JAZF1: variants seen among roughly 807,000 people sequenced by gnomAD.
JAZF1 encodes juxtaposed with another zinc finger protein 1.
JAZF1 carries 8 observed loss-of-function variants against 26.4 expected under a neutral mutation model. The observed-to-expected ratio is 0.30, with a 90% CI of 0.18 to 0.55. The LOEUF (loss-of-function observed/expected upper bound fraction) is 0.55. Among genes scored for constraint, JAZF1 ranks in the 20% least tolerant of loss-of-function variants. The pLI, the probability that JAZF1 is intolerant of heterozygous loss-of-function variation, is 0.94. For synonymous variants in JAZF1, 126 were observed against 122.3 expected (o/e 1.03, Z -0.20); for missense variants, 199 against 322.0 (o/e 0.62, Z 2.92).
chr7:28,160,410 T>C (rs1344299722), intron 1 of JAZF1, among the ~76,000 whole-genome samples: 1 of 152,094 alleles, frequency 6.6e-6, no homozygotes, highest in Admixed American at 6.5e-5. Flanking sequence ...ATCTAGAATG[T>C]AGGCTCCATG....
intron 1 of JAZF1, among the ~76,000 whole-genome samples, chr7:27,994,595 C>G (rs1401058965): frequency 6.6e-6 from 1 of 152,218 alleles, no homozygotes; most frequent in African/African-American, 2.4e-5. Flanking sequence ...CCCCAAATCT[C>G]CTTTTCAAAC....
chr7:27,935,686 T>C (rs1390622519), intron 2 of JAZF1, among the ~76,000 whole-genome samples: 1 of 152,188 alleles, frequency 6.6e-6, no homozygotes, highest in African/African-American at 2.4e-5. Flanking sequence ...GTGAAATGTA[T>C]GGTATGTGAA....
At chr7:27,838,257 G>A (rs1382784491) in intron 4 of JAZF1, among the ~76,000 whole-genome samples, 7 of 152,084 alleles carry the variant, frequency 4.6e-5, no homozygotes, top group Non-Finnish European at 7.4e-5. Flanking sequence ...TAGAACTTAT[G>A]ATGACTGAGG....
At chr7:27,967,604 C>T (rs751612682) in intron 2 of JAZF1, among the ~76,000 whole-genome samples, 6 of 152,144 alleles carry the variant, frequency 3.9e-5, no homozygotes, top group Non-Finnish European at 7.3e-5. Context: ...AGAAGTTCCT[C>T]TAATGCAATT....
At chr7:27,979,797 T>C (rs977342536) in intron 2 of JAZF1, among the ~76,000 whole-genome samples, 8 of 152,116 alleles carry the variant, frequency 5.3e-5, no homozygotes, top group African/African-American at 1.9e-4. Flanking sequence ...GCTATGCCCT[T>C]TCTTTCCTAT....
At chr7:28,133,163 T>C (rs1005918079) in intron 1 of JAZF1, among the ~76,000 whole-genome samples, 11 of 152,212 alleles carry the variant, frequency 7.2e-5, no homozygotes, top group Non-Finnish European at 4.4e-5. Flanking sequence ...AAACACCCTC[T>C]GTAAAATGCA....
intron 3 of JAZF1, among the ~76,000 whole-genome samples, chr7:27,852,615 C>T (rs1282768499): frequency 6.6e-6 from 1 of 152,166 alleles, no homozygotes; most frequent in African/African-American, 2.4e-5. Context: ...CCTACTCTTG[C>T]CCCAGGCCCT....
intron 1 of JAZF1, among the ~76,000 whole-genome samples, chr7:28,153,607 A>G (rs1021155111): frequency 1.3e-5 from 2 of 152,216 alleles, no homozygotes; most frequent in African/African-American, 4.8e-5. Context: ...CATACTGAAC[A>G]AACCTATTCC....
intron 3 of JAZF1, among the ~76,000 whole-genome samples, chr7:27,871,695 T>C (rs1352150934): frequency 1.3e-5 from 2 of 152,242 alleles, no homozygotes; most frequent in East Asian, 3.8e-4. Context: ...TCTATGTCTA[T>C]ATTTTTCTAA....
Position 27,840,925 on chromosome 7 carries a change from C to T in JAZF1, c.386-58G>A, listed in dbSNP as rs112574404. The T allele has an allele frequency of 6.4e-7, 1 of 1,574,084 alleles. No individual in the cohort carries two copies. Among genetic ancestry groups the T allele is most frequent in the Non-Finnish European group, 8.7e-7 (1 of 1,152,942 alleles). On this transcript the variant is annotated intron_variant, in intron 3 of 4. Coordinates refer to ENST00000283928, the MANE Select transcript of JAZF1 (RefSeq NM_175061.4). The surrounding 1 kb of genome is among the most constrained non-coding windows in gnomAD (Gnocchi z 5.1). Reference sequence around the variant, plus strand: ...GAGCGCTCATCTCCCCACAGGTTCACCCGGCCACTTCCAGGACAGGAGATG... The same window carrying T: ...GAGCGCTCATCTCCCCACAGGTTCATCCGGCCACTTCCAGGACAGGAGATG...
chr7:28,070,212 T>C (rs1415828584), intron 1 of JAZF1, among the ~76,000 whole-genome samples: 2 of 152,270 alleles, frequency 1.3e-5, no homozygotes, highest in East Asian at 3.9e-4. Flanking sequence ...CCCATTGTGT[T>C]TAGAGAAATT....
At chr7:28,147,579 G>A (rs1435221265) in intron 1 of JAZF1, among the ~76,000 whole-genome samples, 2 of 151,510 alleles carry the variant, frequency 1.3e-5, no homozygotes, top group Non-Finnish European at 2.9e-5. Flanking sequence ...TGGGTATAGT[G>A]GGCCATGCCT....
At chr7:28,112,409 A>G (rs1784675285) in intron 1 of JAZF1, among the ~76,000 whole-genome samples, 1 of 152,260 alleles carries the variant, frequency 6.6e-6, no homozygotes, top group African/African-American at 2.4e-5. Flanking sequence ...CAATATTACA[A>G]AGCAGACAAA....
Position 27,840,689 on chromosome 7 carries a change from C to A in JAZF1, c.555+9G>T, listed in dbSNP as rs1304628663. Reference sequence around the variant, plus strand: ...TGTGGTTATGCCAAGCATGCAGCACCTCTGTTACCTTGTATCTCTTTTTAC... The same window carrying A: ...TGTGGTTATGCCAAGCATGCAGCACATCTGTTACCTTGTATCTCTTTTTAC... On this transcript the variant is annotated intron_variant, in intron 4 of 4. Transcript: ENST00000283928. This position sits in a 1 kb window ranked among gnomAD's most constrained non-coding sequence, Gnocchi z 5.1. 6.2e-7 allele frequency: 1 copy of A among 1,613,568 alleles called. No homozygotes were observed. The highest frequency in any genetic ancestry group is 1.3e-5 in the African/African-American group (1 of 74,912).
intron 1 of JAZF1, among the ~76,000 whole-genome samples, chr7:27,993,822 CAA>C (rs1785956043): frequency 6.6e-6 from 1 of 152,084 alleles, no homozygotes; most frequent in African/African-American, 2.4e-5. Context: ...TTTTGAGACT[CAA>C]AGAGATATCT....
At chr7:28,045,680 G>A (rs1210341737) in intron 1 of JAZF1, among the ~76,000 whole-genome samples, 1 of 152,096 alleles carries the variant, frequency 6.6e-6, no homozygotes, top group Non-Finnish European at 1.5e-5. Flanking sequence ...GGGCTCAAGC[G>A]ATCTGCCTAC....
At chr7:28,020,328 A>G (rs529555645) in intron 1 of JAZF1, among the ~76,000 whole-genome samples, 4 of 152,310 alleles carry the variant, frequency 2.6e-5, no homozygotes, top group East Asian at 3.9e-4. Context: ...TTAGAGAGAA[A>G]AGCGAAGAGA....
At position 28,141,747 on chromosome 7, in the gene JAZF1, T is replaced by C. The variant is rs560717140; in HGVS notation, c.115+38716A>G. On this transcript the variant is annotated intron_variant, in intron 1 of 4. Coordinates refer to ENST00000283928, the MANE Select transcript of JAZF1 (RefSeq NM_175061.4). Reference sequence around the variant, plus strand: ...GACAGATACTTTACATATAGTTCTCTTAACCTATGACTTCCAGAGTTTTGA... The same window carrying C: ...GACAGATACTTTACATATAGTTCTCCTAACCTATGACTTCCAGAGTTTTGA... 3.3e-5 allele frequency among the ~76,000 whole-genome samples: 5 copies of C among 152,346 alleles called. No homozygotes were observed. In the East Asian group the frequency reaches 9.6e-4, roughly 29 times the overall value.
At chr7:28,049,820 C>T (rs752019628) in intron 1 of JAZF1, among the ~76,000 whole-genome samples, 5 of 152,128 alleles carry the variant, frequency 3.3e-5, no homozygotes, top group Non-Finnish European at 5.9e-5. Context: ...GAAAGAGGCA[C>T]AGAACTTCCA....
Sources: gnomAD v4.1 joint callset for allele counts (sites outside exome capture counted in the v4.1 genomes callset) on GRCh38, gnomAD v4.1.1 for gene constraint, Gnocchi (gnomAD v3.1) non-coding constraint, MANE v1.5 for transcripts, NCBI Gene and HGNC (gene_info 2026-07-23, HGNC 2026-07-21) for gene names.